Variants in FOCAD observed in about 807,000 individuals in gnomAD.
FOCAD encodes the protein KIAA1797.
In FOCAD, 198 loss-of-function variants were observed where a neutral mutation model predicts 225.6. The observed-to-expected ratio is 0.88, with a 90% CI of 0.78 to 0.99. The LOEUF (loss-of-function observed/expected upper bound fraction) is 0.99. Among genes scored for constraint, FOCAD ranks in the 50% least tolerant of loss-of-function variants. FOCAD has a pLI of 0.00. For synonymous variants in FOCAD, 897 were observed against 755.0 expected (o/e 1.19, Z -3.08); for missense variants, 2,713 against 2,123.6 (o/e 1.28, Z -5.46).
At chr9:20,743,284 A>C (rs1034202167) in intron 5 of FOCAD, among the ~76,000 whole-genome samples, 6 of 152,216 alleles carry the variant, frequency 3.9e-5, no homozygotes, top group Non-Finnish European at 7.3e-5. Flanking sequence ...AAATAGAAGG[A>C]GTATGGCAAA....
chr9:20,921,220 A>C (rs908406508), intron 24 of FOCAD, among the ~76,000 whole-genome samples: 3 of 152,148 alleles, frequency 2.0e-5, no homozygotes, highest in Non-Finnish European at 4.4e-5. Context: ...TCACTTTACT[A>C]ATATGTAATG....
rs755555860 is a variant in FOCAD at position 20,717,832 on chromosome 9, T to C, written c.96T>C (p.Asn32=). 1.9e-6 allele frequency: 3 copies of C among 1,612,702 alleles called. No homozygotes were observed. Among genetic ancestry groups the C allele is most frequent in the African/African-American group, 1.3e-5 (1 of 74,882 alleles). Reference sequence around the variant, plus strand: ...TTATTGCTGCAGTCCTAAAGGAAAATGGTTTTTCAGAAAAGATTCACCAAT... The same window carrying C: ...TTATTGCTGCAGTCCTAAAGGAAAACGGTTTTTCAGAAAAGATTCACCAAT... The part of the protein sequence containing the change: ...GHLIAAVLKE[N]GFSEKIHQST... The change falls in exon 3 of 44, where the codon AAT becomes AAC. Residue 32 remains asparagine, a synonymous_variant. Transcript: ENST00000338382.
intron 1 of FOCAD, among the ~76,000 whole-genome samples, chr9:20,690,815 G>A (rs1822926390): frequency 6.6e-6 from 1 of 152,060 alleles, no homozygotes; most frequent in East Asian, 1.9e-4. Flanking sequence ...AGAGTGCTGG[G>A]ATTATAGGCG....
chr9:20,740,975 C>G (rs1372564982), intron 5 of FOCAD, among the ~76,000 whole-genome samples: 2 of 152,176 alleles, frequency 1.3e-5, no homozygotes, highest in Admixed American at 6.5e-5. Context: ...GAAGCCATCT[C>G]TTAAGAGAGG....
intron 24 of FOCAD, among the ~76,000 whole-genome samples, chr9:20,918,988 C>G (rs986770841): frequency 1.3e-5 from 2 of 151,994 alleles, no homozygotes; most frequent in African/African-American, 4.8e-5. Context: ...TGGTTTGGGT[C>G]AGGGTATGGC....
At chr9:20,857,054 A>G (rs577200729) in intron 15 of FOCAD, among the ~76,000 whole-genome samples, 2 of 152,048 alleles carry the variant, frequency 1.3e-5, no homozygotes, top group East Asian at 1.9e-4. Context: ...TTTACTCAGG[A>G]TGGTTTTCCT....
At position 20,907,178 on chromosome 9, in the gene FOCAD, G is replaced by A. The variant is rs199581066; in HGVS notation, c.2654G>A (p.Arg885His). 1.5e-4 allele frequency: 236 copies of A among 1,613,034 alleles called. No individual in the cohort carries two copies. The highest frequency in any genetic ancestry group is 2.2e-4 in the South Asian group (20 of 91,046). The change falls in exon 22 of 44, where the codon CGT (arginine) becomes CAT (histidine). Residue 885 changes from arginine (R) to histidine (H), a missense_variant. Physicochemically the swap from Arg to His is conservative, Grantham distance 29. Transcript: ENST00000338382. ...EVHIQLSEWH[R>H]AIFLPQAWLA... ...CATATCCAGCTTTCAGAGTGGCACC[G>A]TGCAATTTTTCTTCCACAGGCCTGG...
intron 11 of FOCAD, among the ~76,000 whole-genome samples, chr9:20,793,454 C>A (rs985455592): frequency 6.6e-6 from 1 of 152,092 alleles, no homozygotes. Flanking sequence ...TCTTGGCATT[C>A]CTGGGCGTTA....
At chr9:20,982,877 T>A (rs1840825155) in intron 39 of FOCAD, among the ~76,000 whole-genome samples, 1 of 152,204 alleles carries the variant, frequency 6.6e-6, no homozygotes, top group African/African-American at 2.4e-5. Flanking sequence ...TTTTGTTAAA[T>A]TTGAGTTGCA....
chr9:20,710,475 T>G (rs902316989), intron 1 of FOCAD, among the ~76,000 whole-genome samples: 1 of 151,758 alleles, frequency 6.6e-6, no homozygotes, highest in Non-Finnish European at 1.5e-5. Flanking sequence ...CGGGCACCTG[T>G]AATCCCAGCT....
Position 20,981,684 on chromosome 9 carries a change from CG to C in FOCAD, c.4638+1del. The C allele has an allele frequency of 6.2e-7, 1 of 1,602,610 alleles. No individual in the cohort carries two copies. The highest frequency in any genetic ancestry group is 1.1e-5 in the South Asian group (1 of 89,250). On this transcript the variant is annotated frameshift_variant and splice_region_variant, in exon 38 of 44. Coordinates refer to ENST00000338382, the MANE Select transcript of FOCAD (RefSeq NM_001375567.1). LOFTEE classifies it high-confidence loss of function. Reference protein sequence around the residue: ...KIFDLLPNKIRRKDLELYISI... With the variant: ...KIFDLLPNKIXRKDLELYISI... ...TTTTGACCTCCTGCCAAATAAGATT[CG>C]GGTGAGGAACAAAAATATTTACATT...
chr9:20,775,787 T>C (rs934966433), intron 8 of FOCAD, among the ~76,000 whole-genome samples: 3 of 152,198 alleles, frequency 2.0e-5, no homozygotes, highest in African/African-American at 7.2e-5. Flanking sequence ...CTCCAGGTTG[T>C]TTTCTGTTAC....
chr9:20,905,706 G>C (rs948954448), intron 21 of FOCAD, among the ~76,000 whole-genome samples: 14 of 151,976 alleles, frequency 9.2e-5, no homozygotes, highest in African/African-American at 3.1e-4. Context: ...GCCAAGACCT[G>C]ATTAATGCCT....
rs746611391 is a variant in FOCAD at position 20,874,726 on chromosome 9, G to A, written c.2236G>A (p.Asp746Asn). ...PIPEELDDDE[D>N]VEDVDLSVPG... is the part of the protein sequence containing the mutation. ...TCCTGAAGAGTTAGATGACGATGAA[G>A]ATGTTGAGGATGTGGATCTTTCAGT... Residue 746 changes from aspartate (D) to asparagine (N), a missense_variant, in exon 19 of 44, where the codon GAT becomes AAT. Asp to Asn is a conservative substitution (Grantham distance 23). Coordinates refer to ENST00000338382, the MANE Select transcript of FOCAD (RefSeq NM_001375567.1). The A allele has an allele frequency of 1.5e-5, 25 of 1,613,496 alleles. No homozygotes were observed. The highest frequency in any genetic ancestry group is 2.0e-5 in the Non-Finnish European group (24 of 1,179,684).
intron 1 of FOCAD, among the ~76,000 whole-genome samples, chr9:20,703,548 C>T (rs1587271198): frequency 1.3e-5 from 2 of 151,990 alleles, no homozygotes; most frequent in East Asian, 3.8e-4. Context: ...AAATGGGAAT[C>T]TTATGTATAT....
intron 21 of FOCAD, among the ~76,000 whole-genome samples, chr9:20,890,803 T>A (rs1831546629): frequency 6.6e-6 from 1 of 152,000 alleles, no homozygotes; most frequent in Non-Finnish European, 1.5e-5. Context: ...TGGCATGGAG[T>A]TTTCTTTATA....
At chr9:20,802,452 C>T (rs1007975481) in intron 11 of FOCAD, among the ~76,000 whole-genome samples, 7 of 151,946 alleles carry the variant, frequency 4.6e-5, no homozygotes, top group African/African-American at 1.4e-4. Context: ...TTAGTAGATA[C>T]AATTAGATTT....
intron 35 of FOCAD, among the ~76,000 whole-genome samples, chr9:20,971,571 C>T (rs908543930): frequency 2.6e-5 from 4 of 151,960 alleles, no homozygotes; most frequent in African/African-American, 9.7e-5. Context: ...TCCTGAGTAA[C>T]GGAGATTACA....
chr9:20,907,100 CTTT>C, intron 21 of FOCAD, 47 bp from the exon 22 acceptor site: 1 of 1,397,008 alleles, frequency 7.2e-7, no homozygotes, highest in Non-Finnish European at 1.0e-6. Context: ...TAATTTTATT[CTTT>C]TTTAATACTG....
Sources: gnomAD v4.1 joint callset for allele counts (sites outside exome capture counted in the v4.1 genomes callset) on GRCh38, gnomAD v4.1.1 for gene constraint, MANE v1.5 for transcripts, NCBI Gene and HGNC (gene_info 2026-07-23, HGNC 2026-07-21) for gene names.